The following DIAPH1 variants were observed in gnomAD, a reference collection of about 807,000 sequenced individuals.
DIAPH1 encodes protein diaphanous homolog 1.
Under a neutral mutation model 140.7 loss-of-function variants are expected in DIAPH1, and 46 were observed. The ratio of observed to expected loss-of-function variants is 0.33; its 90% confidence interval spans 0.26 to 0.42. The LOEUF (loss-of-function observed/expected upper bound fraction) is 0.42, where lower values mean the gene tolerates loss of function less well. Among genes scored for constraint, DIAPH1 ranks in the 10% least tolerant of loss-of-function variants. The pLI is 1.00. For synonymous variants in DIAPH1, 565 were observed against 551.6 expected (o/e 1.02, Z -0.34); for missense variants, 1,310 against 1,558.7 (o/e 0.84, Z 2.69).
intron 27 of DIAPH1, 125 bp downstream of exon 27, chr5:141,524,018 G>A (rs190283359): frequency 6.9e-6 from 6 of 864,876 alleles, no homozygotes; most frequent in Admixed American, 3.5e-5. Flanking sequence ...TAGATAATCC[G>A]TTCTGGATGC....
At position 141,529,585 on chromosome 5, in the gene DIAPH1, A is replaced by G; in HGVS notation, c.2676+18T>C. The G allele has an allele frequency of 6.2e-7, 1 of 1,603,064 alleles. No homozygotes were observed. Among genetic ancestry groups the G allele is most frequent in the Non-Finnish European group, 8.5e-7 (1 of 1,169,832 alleles). ...GACACAGAAGAGCCTGCTCCAGCAG[A>G]ACCACCTTACTCCTTACCTGGATCA... On this transcript the variant is annotated intron_variant, in intron 20 of 27. Transcript: ENST00000389054.
chr5:141,564,995 G>C (rs2099894154), intron 18 of DIAPH1: 1 of 151,882 alleles, frequency 6.6e-6, no homozygotes. Context: ...TAGCAACTTG[G>C]GCCCACAGAT....
rs146878162 is a variant in DIAPH1 at position 141,570,966 on chromosome 5, C to T, written c.2482+462G>A. On this transcript the variant is annotated intron_variant, in intron 18 of 27. Transcript: ENST00000389054. ...AAGAATTTATATAGAAAAAATGGAC[C>T]AGAAGTCAAGACTCCTGGTTCTGAT... Among the ~76,000 whole-genome samples, 1,166 of 152,054 alleles carry T rather than the reference C, an allele frequency of 7.7e-3. 21 individuals carry two copies. The highest frequency in any genetic ancestry group is 0.027 in the African/African-American group (1,108 of 41,458).
chr5:141,601,908 C>A (rs550285016), intron 1 of DIAPH1, among the ~76,000 whole-genome samples: 55 of 152,256 alleles, frequency 3.6e-4, no homozygotes, highest in East Asian at 3.9e-4. Flanking sequence ...GACCAAGGAA[C>A]CTTGACTGGA....
intron 1 of DIAPH1, chr5:141,589,262 G>C (rs775162596): frequency 6.6e-6 from 1 of 152,462 alleles, no homozygotes; most frequent in African/African-American, 2.4e-5. Context: ...AATGGCAAAA[G>C]TAGCCACCTT....
intron 12 of DIAPH1, among the ~76,000 whole-genome samples, chr5:141,577,120 A>C (rs1266036769): frequency 6.6e-6 from 1 of 152,206 alleles, no homozygotes; most frequent in Non-Finnish European, 1.5e-5. Flanking sequence ...CCATCTAAAA[A>C]TTTGCGTTTG....
chr5:141,560,980 A>G (rs2099893443), intron 18 of DIAPH1: 1 of 453,442 alleles, frequency 2.2e-6, no homozygotes, highest in Non-Finnish European at 4.4e-6. Flanking sequence ...CATCTCTGTT[A>G]CTGAAAGTCA....
At chr5:141,559,060 G>C (rs2099893105) in intron 18 of DIAPH1, among the ~76,000 whole-genome samples, 1 of 152,158 alleles carries the variant, frequency 6.6e-6, no homozygotes, top group South Asian at 2.1e-4. Context: ...TTCTGTGAGG[G>C]TAACATAGCT....
chr5:141,525,745 G>C lies in DIAPH1; in HGVS notation c.3574+293C>G, dbSNP rs149356779. Among the ~76,000 whole-genome samples, 9 of 152,294 alleles carry C rather than the reference G, an allele frequency of 5.9e-5. No homozygotes were observed. In the South Asian group the frequency reaches 1.0e-3, roughly 18 times the overall value. On this transcript the variant is annotated intron_variant, in intron 26 of 27. Transcript: ENST00000389054. Reference sequence around the variant, plus strand: ...TGAGAACAGGCCAGAGGAACCTTTGGATGGACAGAAGGAAAACAGTATATA... The same window carrying C: ...TGAGAACAGGCCAGAGGAACCTTTGCATGGACAGAAGGAAAACAGTATATA...
chr5:141,543,252 G>T (rs1191050749), intron 18 of DIAPH1, among the ~76,000 whole-genome samples: 1 of 152,180 alleles, frequency 6.6e-6, no homozygotes, highest in Non-Finnish European at 1.5e-5. Context: ...ATTAGTGAAA[G>T]AAGCCAGACA....
intron 18 of DIAPH1, among the ~76,000 whole-genome samples, chr5:141,556,501 C>CA (rs945504265): frequency 1.3e-5 from 2 of 152,114 alleles, no homozygotes; most frequent in African/African-American, 4.8e-5. Context: ...CTTTGGGTAA[C>CA]AGATTATCAC....
chr5:141,527,717 A>C lies in DIAPH1; in HGVS notation c.3149-20T>G. On this transcript the variant is annotated intron_variant, in intron 23 of 27. Transcript: ENST00000389054. ...CAGAAACTAAAAAAAAAAAAAAAAA[A>C]AAAAACCATAAAAACAGACAGCAAG... The C allele has an allele frequency of 1.9e-6, 3 of 1,557,650 alleles. No homozygotes were observed. Among genetic ancestry groups the C allele is most frequent in the Admixed American group, 3.9e-5 (2 of 51,876 alleles).
rs2099885548 is a variant in DIAPH1 at position 141,515,522 on chromosome 5, TG to T, written c.*1328del. 1 of 152,254 alleles carries T rather than the reference TG, an allele frequency of 6.6e-6. No homozygotes were observed. Among genetic ancestry groups the T allele is most frequent in the South Asian group, 2.1e-4 (1 of 4,836 alleles). The allele number at this position is 152,254 out of a possible 1,614,324, so 9.4% of individuals were successfully genotyped here. ...TAAGCCAGAGAATTGCAGCTTCCTGTGGTTGGGGCCACCAAACAGTTCAGTG... is the reference window on the plus strand; with the variant it reads ...TAAGCCAGAGAATTGCAGCTTCCTGTGTTGGGGCCACCAAACAGTTCAGTG... On this transcript the variant is annotated 3_prime_UTR_variant, in exon 28 of 28. Transcript: ENST00000389054.
At chr5:141,570,500 TAC>T (rs752770552) in intron 18 of DIAPH1, among the ~76,000 whole-genome samples, 1 of 151,716 alleles carries the variant, frequency 6.6e-6, no homozygotes, top group Non-Finnish European at 1.5e-5. Flanking sequence ...TACTCCTAGA[TAC>T]ACACACACAC....
intron 18 of DIAPH1, among the ~76,000 whole-genome samples, chr5:141,569,450 T>C (rs1007641510): frequency 2.6e-5 from 4 of 152,190 alleles, no homozygotes; most frequent in Non-Finnish European, 4.4e-5. Context: ...AATTCAGTAT[T>C]CAAGAATTAC....
At chr5:141,587,012 G>A (rs774212417) in intron 3 of DIAPH1, 30 bp downstream of exon 3, 3 of 1,613,570 alleles carry the variant, frequency 1.9e-6, no homozygotes, top group Non-Finnish European at 1.7e-6. Flanking sequence ...TGCACAGGAA[G>A]AAGCAACATT....
intron 27 of DIAPH1, among the ~76,000 whole-genome samples, chr5:141,517,549 C>A (rs2099885881): frequency 6.6e-6 from 1 of 152,190 alleles, no homozygotes; most frequent in African/African-American, 2.4e-5. Flanking sequence ...TGACACCGCA[C>A]TCCCACGTGT....
rs2154596200 is a variant in DIAPH1, at chr5:141,571,929, T to C, written c.2470A>G (p.Lys824Glu). Residue 824 changes from lysine (K) to glutamate (E), a missense_variant, in exon 17 of 28, where the codon AAG (lysine) becomes GAG (glutamate). Physicochemically the swap from Lys to Glu is moderately conservative, Grantham distance 56. This residue lies in a region of DIAPH1 where 589 missense variants were observed against 549.3 expected (regional missense o/e 1.07). Coordinates refer to ENST00000389054, the MANE Select transcript of DIAPH1 (RefSeq NM_005219.5). ...CATCAAAGAGGAAGGTACTCACTCT[T>C]GGTCTGGGCAGAGAAGGTAAGGGTA... ...KLTLTFSAQT[K>E]TSKAKKDQEG... 1 of 1,611,050 alleles carries C rather than the reference T, an allele frequency of 6.2e-7. No homozygotes were observed. The highest frequency in any genetic ancestry group is 8.5e-7 in the Non-Finnish European group (1 of 1,177,178).
chr5:141,573,849 A>G lies in DIAPH1; in HGVS notation c.2001T>C (p.Ser667=). The change falls in exon 16 of 28, where the codon TCT becomes TCC. Residue 667 remains serine, a synonymous_variant. Coordinates refer to ENST00000389054, the MANE Select transcript of DIAPH1 (RefSeq NM_005219.5). ...LPEGVGIPSP[S]SLPGGTAIPP... ...GGATGGCAGTACCTCCAGGCAAAGA[A>G]GAGGGTGAAGGGATGCCAACACCCT... The G allele has an allele frequency of 6.6e-7, 1 of 1,525,276 alleles. No individual in the cohort carries two copies. 94.5% of individuals were successfully genotyped at this position (1,525,276 alleles called of 1,614,324 possible). A position where few individuals can be genotyped will look rare whatever the true frequency, so the allele number is the denominator to read the frequency against.
Sources: allele counts gnomAD v4.1 joint callset (sites outside exome capture counted in the v4.1 genomes callset), GRCh38; gene constraint gnomAD v4.1.1; regional missense constraint gnomAD v4.1.1; transcripts MANE v1.5; gene names NCBI Gene and HGNC (gene_info 2026-07-23, HGNC 2026-07-21).